EYS: variants seen among roughly 807,000 people sequenced by gnomAD.
The protein encoded by EYS is protein eyes shut homolog.
EYS carries 250 observed loss-of-function variants against 282.1 expected under a neutral mutation model. That is an observed-to-expected ratio of 0.89 (90% CI 0.80 to 0.98). The LOEUF (loss-of-function observed/expected upper bound fraction) is 0.98, where lower values mean the gene tolerates loss of function less well. EYS is among the 50% of genes least tolerant of loss of function. The pLI, the probability that EYS is intolerant of heterozygous loss-of-function variation, is 0.00. For missense variants in EYS, 4,016 were observed against 3,709.0 expected (o/e 1.08, Z -2.15); for synonymous variants, 1,355 against 1,282.9 (o/e 1.06, Z -1.20).
At chr6:64,761,844 T>C (rs1423492508) in intron 22 of EYS, among the ~76,000 whole-genome samples, 1 of 152,198 alleles carries the variant, frequency 6.6e-6, no homozygotes, top group Non-Finnish European at 1.5e-5. Context: ...AAATATCACT[T>C]TCCCCATGTA....
intron 12 of EYS, among the ~76,000 whole-genome samples, chr6:65,088,769 C>T (rs2150176124): frequency 6.6e-6 from 1 of 152,224 alleles, no homozygotes; most frequent in Middle Eastern, 3.4e-3. Context: ...TCATGGCAGC[C>T]CCTCCCATCA....
chr6:65,326,466 C>T (rs1269797007), intron 11 of EYS, among the ~76,000 whole-genome samples: 1 of 150,806 alleles, frequency 6.6e-6, no homozygotes, highest in Non-Finnish European at 1.5e-5. Context: ...TCAGTGTCTC[C>T]CTCAGTAGAA....
intron 5 of EYS, among the ~76,000 whole-genome samples, chr6:65,434,175 G>A (rs9345625): frequency 0.19 from 28,162 of 152,172 alleles, 3,252 homozygotes; most frequent in Middle Eastern, 0.3. Context: ...GCTTTGCTAA[G>A]AATGTGGACC....
At chr6:64,112,971 A>G (rs1005535854) in intron 31 of EYS, among the ~76,000 whole-genome samples, 1 of 151,906 alleles carries the variant, frequency 6.6e-6, no homozygotes, top group African/African-American at 2.4e-5. Flanking sequence ...TGAAAATGCA[A>G]TTACAACAAT....
chr6:64,865,351 A>G (rs1247907517), intron 19 of EYS, among the ~76,000 whole-genome samples: 2 of 152,182 alleles, frequency 1.3e-5, no homozygotes, highest in Non-Finnish European at 2.9e-5. Context: ...AGGAAGGACT[A>G]TAGGAGGTGA....
At chr6:64,917,094 C>T (rs910414286) in intron 15 of EYS, among the ~76,000 whole-genome samples, 2 of 152,066 alleles carry the variant, frequency 1.3e-5, no homozygotes, top group Admixed American at 6.5e-5. Context: ...ACTAAAAATA[C>T]AAAAATTACC....
intron 36 of EYS, among the ~76,000 whole-genome samples, chr6:63,834,953 C>A (rs934053975): frequency 6.7e-6 from 1 of 148,246 alleles, no homozygotes; most frequent in Non-Finnish European, 1.5e-5. Context: ...ATGGCAAGGA[C>A]AGAAAAACAA....
intron 12 of EYS, among the ~76,000 whole-genome samples, chr6:65,210,324 C>T (rs1766142596): frequency 6.6e-6 from 1 of 151,930 alleles, no homozygotes; most frequent in Admixed American, 6.6e-5. Flanking sequence ...GGAACTTTCC[C>T]ATTGGAATCC....
At position 64,757,298 on chromosome 6, in the gene EYS, CTAATT is replaced by C. The variant is rs753006300; in HGVS notation, c.3443+56075_3443+56079del. 4.6e-5 allele frequency among the ~76,000 whole-genome samples: 7 copies of C among 152,256 alleles called. No individual in the cohort carries two copies. The East Asian group carries it at 1.2e-3, about 25-fold the overall frequency. On this transcript the variant is annotated intron_variant, in intron 22 of 42. Coordinates refer to ENST00000503581, the MANE Select transcript of EYS (RefSeq NM_001142800.2). ...TCCCTGACTGTCTCAGGAAAATTGACTAATTTTCTTCACTGCTCCCACACGTCTTG... is the reference window on the plus strand; with the variant it reads ...TCCCTGACTGTCTCAGGAAAATTGACTTCTTCACTGCTCCCACACGTCTTG...
chr6:64,041,866 T>C (rs182768304), intron 33 of EYS, among the ~76,000 whole-genome samples: 342 of 152,352 alleles, frequency 2.2e-3, no homozygotes, highest in African/African-American at 7.7e-3. Context: ...GTATGTCAGC[T>C]GGAATCCAAA....
chr6:64,561,489 A>C (rs1765392877), intron 26 of EYS, among the ~76,000 whole-genome samples: 1 of 152,130 alleles, frequency 6.6e-6, no homozygotes, highest in South Asian at 2.1e-4. Context: ...TCAGGATACA[A>C]AATCGATGTA....
rs189839390 is a variant in EYS at position 65,403,734 on chromosome 6, A to C, written c.1057-1129T>G. Among the ~76,000 whole-genome samples, 624 of 152,120 alleles carry C rather than the reference A, an allele frequency of 4.1e-3. 5 individuals are homozygous for C. The highest frequency in any genetic ancestry group is 0.014 in the African/African-American group (591 of 41,572). On this transcript the variant is annotated intron_variant, in intron 6 of 42. Transcript: ENST00000503581. The stretch of plus-strand genomic sequence containing the variant: ...ATATAAATAATGAATAATAGAGAAG[A>C]AAAATAGAATTAAAGTACTTCTATG...
chr6:63,720,424 C>A lies in EYS; in HGVS notation c.*172G>T. On this transcript the variant is annotated 3_prime_UTR_variant, in exon 43 of 43. Transcript: ENST00000503581. ...ACAGATAAATTAGATGTAGGAAAAA[C>A]AATCAGAACCTTCAGTGACATTTTA... The A allele has an allele frequency of 1.9e-6, 1 of 537,334 alleles. No homozygotes were observed. The allele number at this position is 537,334 out of a possible 1,614,324, so 33.3% of individuals were successfully genotyped here.
chr6:64,911,060 C>G (rs982359932), intron 16 of EYS, among the ~76,000 whole-genome samples: 1 of 151,804 alleles, frequency 6.6e-6, no homozygotes, highest in Admixed American at 6.6e-5. Context: ...TGTAAGTAGG[C>G]TAAGTAAAAT....
At chr6:64,041,859 T>A (rs972730388) in intron 33 of EYS, among the ~76,000 whole-genome samples, 7 of 152,234 alleles carry the variant, frequency 4.6e-5, no homozygotes, top group Non-Finnish European at 1.5e-5. Flanking sequence ...TGGGTCTGTA[T>A]GTCAGCTGGA....
intron 2 of EYS, among the ~76,000 whole-genome samples, chr6:65,547,453 T>C (rs915939837): frequency 4.6e-5 from 7 of 152,076 alleles, no homozygotes; most frequent in African/African-American, 1.7e-4. Context: ...TGTTTTATAA[T>C]ACTTCTAGAA....
At chr6:65,365,316 C>T (rs936211832) in intron 8 of EYS, among the ~76,000 whole-genome samples, 2 of 151,532 alleles carry the variant, frequency 1.3e-5, no homozygotes, top group Admixed American at 6.7e-5. Flanking sequence ...TGCCTTCTTA[C>T]GCCTGAAAAA....
chr6:63,764,847 A>G (rs1324833927), intron 40 of EYS, among the ~76,000 whole-genome samples: 1 of 151,986 alleles, frequency 6.6e-6, no homozygotes, highest in Non-Finnish European at 1.5e-5. Flanking sequence ...TAGTTATTAT[A>G]TAATTCTAAT....
intron 36 of EYS, among the ~76,000 whole-genome samples, chr6:63,808,277 A>C (rs1770956823): frequency 6.6e-6 from 1 of 152,208 alleles, no homozygotes; most frequent in African/African-American, 2.4e-5. Context: ...TACTCAGGGA[A>C]CTTATGAAGT....
Sources: gnomAD v4.1 joint callset for allele counts (sites outside exome capture counted in the v4.1 genomes callset) on GRCh38, gnomAD v4.1.1 for gene constraint, MANE v1.5 for transcripts, NCBI Gene and HGNC (gene_info 2026-07-23, HGNC 2026-07-21) for gene names.